Variants in NEGR1 observed in about 807,000 individuals in gnomAD.
NEGR1 encodes the protein IgLON family member 4.
A neutral mutation model predicts 40.9 loss-of-function variants in NEGR1; 10 were observed. That is an observed-to-expected ratio of 0.24 (90% CI 0.15 to 0.42). NEGR1 has a LOEUF of 0.42. Ranked by LOEUF, NEGR1 falls within the 10% of genes least tolerant of loss-of-function variation. The probability of loss-of-function intolerance (pLI) is 1.00; values close to 1 mark genes in which losing one functional copy is unlikely to be tolerated. For synonymous variants in NEGR1, 185 were observed against 166.8 expected (o/e 1.11, Z -0.84); for missense variants, 352 against 438.9 (o/e 0.80, Z 1.77).
intron 2 of NEGR1, among the ~76,000 whole-genome samples, chr1:71,916,843 A>T (rs891668657): frequency 6.6e-6 from 1 of 152,234 alleles, no homozygotes; most frequent in African/African-American, 2.4e-5. Flanking sequence ...TAGACAGATT[A>T]TTCCCAGTGA....
At chr1:71,529,263 T>G (rs943831340) in intron 6 of NEGR1, among the ~76,000 whole-genome samples, 1 of 151,246 alleles carries the variant, frequency 6.6e-6, no homozygotes, top group South Asian at 2.1e-4. Flanking sequence ...TGAATCTATA[T>G]GAAGCTAAGT....
chr1:71,521,250 C>T (rs750743650), intron 6 of NEGR1, among the ~76,000 whole-genome samples: 1 of 151,928 alleles, frequency 6.6e-6, no homozygotes, highest in Non-Finnish European at 1.5e-5. Context: ...TATAAGGATA[C>T]CAGAGCAATT....
chr1:71,525,114 C>G (rs563708881), intron 6 of NEGR1, among the ~76,000 whole-genome samples: 1 of 151,754 alleles, frequency 6.6e-6, no homozygotes. Flanking sequence ...AATTAATACA[C>G]CTAGGAAATC....
chr1:71,633,209 C>T (rs976098508), intron 4 of NEGR1, among the ~76,000 whole-genome samples: 4 of 152,088 alleles, frequency 2.6e-5, no homozygotes, highest in African/African-American at 9.7e-5. Context: ...ATGAGCTACA[C>T]ACATTCATAA....
At chr1:71,819,274 C>T (rs896908296) in intron 2 of NEGR1, among the ~76,000 whole-genome samples, 10 of 151,806 alleles carry the variant, frequency 6.6e-5, no homozygotes, top group South Asian at 4.1e-4. Flanking sequence ...AAGAGATGTC[C>T]GACAACAAAG....
At chr1:71,797,121 C>T (rs754708287) in intron 2 of NEGR1, among the ~76,000 whole-genome samples, 4 of 152,060 alleles carry the variant, frequency 2.6e-5, no homozygotes, top group Admixed American at 6.6e-5. Context: ...AAATATTTCT[C>T]GAATACTTAA....
chr1:72,107,595 A>G (rs2100260080), intron 1 of NEGR1, among the ~76,000 whole-genome samples: 1 of 151,672 alleles, frequency 6.6e-6, no homozygotes, highest in South Asian at 2.1e-4. Flanking sequence ...ATGTTTTGTT[A>G]TCCATAAAAA....
intron 4 of NEGR1, among the ~76,000 whole-genome samples, chr1:71,684,074 T>G (rs1353178872): frequency 6.6e-6 from 1 of 151,946 alleles, no homozygotes; most frequent in African/African-American, 2.4e-5. Flanking sequence ...ATCGAGACAA[T>G]CCTGGCTAAC....
intron 3 of NEGR1, among the ~76,000 whole-genome samples, 178 bp downstream of exon 3, chr1:71,775,994 A>AAAAT (rs34165866): frequency 0.061 from 8,688 of 141,752 alleles, 287 homozygotes; most frequent in South Asian, 0.086. Context: ...CTCTGTCTCA[A>AAAAT]AAATAAATAA....
intron 4 of NEGR1, among the ~76,000 whole-genome samples, chr1:71,683,922 TA>T (rs1652926966): frequency 6.6e-6 from 1 of 152,152 alleles, no homozygotes; most frequent in South Asian, 2.1e-4. Flanking sequence ...GTTTGGTAGA[TA>T]AACAATGTAA....
chr1:72,007,941 C>T (rs75141556), intron 1 of NEGR1, among the ~76,000 whole-genome samples: 3,472 of 151,912 alleles, frequency 0.023, 121 homozygotes, highest in African/African-American at 0.079. Context: ...GAAAAAGGAG[C>T]GGCTAAGTTT....
At chr1:71,560,779 T>C (rs1440946514) in intron 6 of NEGR1, among the ~76,000 whole-genome samples, 1 of 151,454 alleles carries the variant, frequency 6.6e-6, no homozygotes, top group Non-Finnish European at 1.5e-5. Flanking sequence ...TGTGATACTA[T>C]GTAAAGGATA....
chr1:72,207,465 G>A (rs1461151337), intron 1 of NEGR1, among the ~76,000 whole-genome samples: 1 of 151,692 alleles, frequency 6.6e-6, no homozygotes, highest in African/African-American at 2.4e-5. Context: ...TTGGGAACTT[G>A]GAGAATTAAA....
intron 4 of NEGR1, among the ~76,000 whole-genome samples, chr1:71,627,262 A>T (rs1337231061): frequency 6.6e-6 from 1 of 152,212 alleles, no homozygotes; most frequent in Non-Finnish European, 1.5e-5. Context: ...TCCAACAATG[A>T]TAGACTGGAT....
At chr1:71,513,713 A>T (rs1647093598) in intron 6 of NEGR1, among the ~76,000 whole-genome samples, 1 of 152,210 alleles carries the variant, frequency 6.6e-6, no homozygotes, top group Non-Finnish European at 1.5e-5. Context: ...AGGAGCCAAG[A>T]TGGCCGAATA....
intron 3 of NEGR1, among the ~76,000 whole-genome samples, chr1:71,772,567 TA>T (rs1430663150): frequency 1.3e-5 from 2 of 152,160 alleles, no homozygotes; most frequent in African/African-American, 2.4e-5. Context: ...AAGTATTCTA[TA>T]AAAAAACTAT....
chr1:72,165,799 C>A (rs1356571045), intron 1 of NEGR1, among the ~76,000 whole-genome samples: 1 of 152,014 alleles, frequency 6.6e-6, no homozygotes, highest in Admixed American at 6.6e-5. Context: ...TATTCTTAAA[C>A]TTTAAGTGCT....
chr1:72,075,393 A>T (rs1245988940), intron 1 of NEGR1, among the ~76,000 whole-genome samples: 2 of 152,218 alleles, frequency 1.3e-5, no homozygotes, highest in East Asian at 3.9e-4. Context: ...TACTAAAAAC[A>T]GCTTAAAATT....
At chr1:71,962,770 G>GTA (rs1557457663) in intron 1 of NEGR1, among the ~76,000 whole-genome samples, 1 of 145,158 alleles carries the variant, frequency 6.9e-6, no homozygotes. Flanking sequence ...AATTCTCCAA[G>GTA]TTTTTTTTTT....
Sources: gnomAD v4.1 joint callset for allele counts (sites outside exome capture counted in the v4.1 genomes callset) on GRCh38, gnomAD v4.1.1 for gene constraint, MANE v1.5 for transcripts, NCBI Gene and HGNC (gene_info 2026-07-23, HGNC 2026-07-21) for gene names.